The following ST6GALNAC3 variants were observed in gnomAD, a reference collection of about 807,000 sequenced individuals.
ST6GALNAC3 encodes ST6 N-acetylgalactosaminide alpha-2,6-sialyltransferase 3.
Under a neutral mutation model 32.7 loss-of-function variants are expected in ST6GALNAC3, and 25 were observed. The ratio of observed to expected loss-of-function variants is 0.76; its 90% confidence interval spans 0.56 to 1.07. The LOEUF (loss-of-function observed/expected upper bound fraction) is 1.07, where lower values mean the gene tolerates loss of function less well. ST6GALNAC3 is among the 50% of genes least tolerant of loss of function. ST6GALNAC3 has a pLI of 0.00. For synonymous variants in ST6GALNAC3, 129 were observed against 133.1 expected, an observed-to-expected ratio of 0.97 and a Z score of 0.21; for missense variants, 355 against 382.4, an observed-to-expected ratio of 0.93 and a Z score of 0.60.
intron 3 of ST6GALNAC3, among the ~76,000 whole-genome samples, chr1:76,556,890 G>GT (rs914664048): frequency 1.8e-4 from 28 of 151,904 alleles, no homozygotes; most frequent in African/African-American, 6.7e-4. Context: ...CAATTTATCT[G>GT]TTTTTTTCTT....
chr1:76,357,186 G>C (rs185011837), intron 2 of ST6GALNAC3, among the ~76,000 whole-genome samples: 535 of 137,022 alleles, frequency 3.9e-3, no homozygotes, highest in South Asian at 0.019. Flanking sequence ...CCAGGCTGGA[G>C]TGCAGTGGCA....
chr1:76,630,077 G>T lies in ST6GALNAC3; in HGVS notation c.*1271G>T. On this transcript the variant is annotated 3_prime_UTR_variant, in exon 5 of 5. Transcript: ENST00000328299. ...GTGATGCCCTTGAACACCCCATTGG[G>T]CTATTGTCTGTGTATTCTGCTCTCT... The T allele has an allele frequency of 1.0e-6, 1 of 985,126 alleles. No individual in the cohort carries two copies. Among genetic ancestry groups the T allele is most frequent in the Non-Finnish European group, 1.2e-6 (1 of 829,818 alleles). 61.0% of individuals were successfully genotyped at this position (985,126 alleles called of 1,614,324 possible). A position where few individuals can be genotyped will look rare whatever the true frequency, so the allele number is the denominator to read the frequency against.
At chr1:76,548,147 C>G (rs999265602) in intron 3 of ST6GALNAC3, among the ~76,000 whole-genome samples, 2 of 152,210 alleles carry the variant, frequency 1.3e-5, no homozygotes, top group Non-Finnish European at 2.9e-5. Context: ...GCTCCTCCCT[C>G]TGCTGGTCTT....
intron 3 of ST6GALNAC3, among the ~76,000 whole-genome samples, chr1:76,435,766 G>A (rs572778190): frequency 6.6e-6 from 1 of 152,176 alleles, no homozygotes; most frequent in East Asian, 1.9e-4. Flanking sequence ...GGTTGCATTG[G>A]TAATTAGTTT....
chr1:76,460,282 G>A (rs902218416), intron 3 of ST6GALNAC3, among the ~76,000 whole-genome samples: 11 of 151,986 alleles, frequency 7.2e-5, no homozygotes, highest in Admixed American at 2.0e-4. Flanking sequence ...TATATCTTTA[G>A]AGATATGTCA....
chr1:76,439,103 A>G (rs188126123), intron 3 of ST6GALNAC3, among the ~76,000 whole-genome samples: 2 of 152,336 alleles, frequency 1.3e-5, no homozygotes, highest in Non-Finnish European at 2.9e-5. Context: ...TGAAGCCTGA[A>G]GTAGATGTTG....
chr1:76,445,587 A>G (rs1211892817), intron 3 of ST6GALNAC3, among the ~76,000 whole-genome samples: 1 of 152,188 alleles, frequency 6.6e-6, no homozygotes. Context: ...CTATTGTGAC[A>G]TGCTTTTATT....
At chr1:76,530,888 G>A (rs921420703) in intron 3 of ST6GALNAC3, among the ~76,000 whole-genome samples, 6 of 152,164 alleles carry the variant, frequency 3.9e-5, no homozygotes, top group Non-Finnish European at 8.8e-5. Context: ...CAGGGAGCTG[G>A]GAGATGGAGC....
At chr1:76,277,318 A>C (rs1659186438) in intron 1 of ST6GALNAC3, among the ~76,000 whole-genome samples, 1 of 151,904 alleles carries the variant, frequency 6.6e-6, no homozygotes, top group African/African-American at 2.4e-5. Flanking sequence ...ATATTTGGGC[A>C]GTGTGGTACT....
intron 1 of ST6GALNAC3, among the ~76,000 whole-genome samples, chr1:76,133,268 G>C (rs1308691178): frequency 6.6e-6 from 1 of 151,982 alleles, no homozygotes; most frequent in Non-Finnish European, 1.5e-5. Flanking sequence ...TCATCTTCAG[G>C]GACACCATTA....
At chr1:76,380,176 T>G (rs1651591346) in intron 2 of ST6GALNAC3, among the ~76,000 whole-genome samples, 1 of 152,108 alleles carries the variant, frequency 6.6e-6, no homozygotes, top group Non-Finnish European at 1.5e-5. Flanking sequence ...AAAGGGACTT[T>G]AAAAAGAGGA....
At chr1:76,113,308 C>G (rs1471542036) in intron 1 of ST6GALNAC3, among the ~76,000 whole-genome samples, 22 of 124,886 alleles carry the variant, frequency 1.8e-4, no homozygotes, top group African/African-American at 6.0e-4. Flanking sequence ...AGCTTCCGCT[C>G]GGCATCAGAG....
chr1:76,559,562 A>T (rs574090611), intron 3 of ST6GALNAC3, among the ~76,000 whole-genome samples: 2 of 152,316 alleles, frequency 1.3e-5, no homozygotes, highest in South Asian at 4.1e-4. Flanking sequence ...TTCAAAGGGT[A>T]CCATCAAGAA....
At chr1:76,165,424 G>A (rs1193904564) in intron 1 of ST6GALNAC3, among the ~76,000 whole-genome samples, 2 of 149,894 alleles carry the variant, frequency 1.3e-5, no homozygotes, top group South Asian at 2.1e-4. Context: ...TATCATTGAT[G>A]AGCATTTAGG....
intron 3 of ST6GALNAC3, among the ~76,000 whole-genome samples, chr1:76,452,662 C>G (rs1356833706): frequency 1.3e-5 from 2 of 152,150 alleles, no homozygotes; most frequent in Admixed American, 1.3e-4. Context: ...TTTTGATACA[C>G]TGTTGGATTC....
intron 2 of ST6GALNAC3, among the ~76,000 whole-genome samples, chr1:76,359,076 G>C (rs957163733): frequency 6.6e-6 from 1 of 152,148 alleles, no homozygotes; most frequent in African/African-American, 2.4e-5. Flanking sequence ...AAGAAGGAGA[G>C]CTGCAAGACA....
intron 1 of ST6GALNAC3, among the ~76,000 whole-genome samples, chr1:76,126,403 C>A: frequency 6.7e-6 from 1 of 148,370 alleles, no homozygotes. Context: ...CTTTCTTTTC[C>A]CTCCCTCCCT....
intron 2 of ST6GALNAC3, among the ~76,000 whole-genome samples, chr1:76,329,925 C>T (rs1647157053): frequency 6.6e-6 from 1 of 152,106 alleles, no homozygotes; most frequent in South Asian, 2.1e-4. Flanking sequence ...TCTCCTGCCT[C>T]AGCCTCCCAA....
intron 2 of ST6GALNAC3, among the ~76,000 whole-genome samples, chr1:76,374,007 T>C (rs1363009818): frequency 6.6e-6 from 1 of 152,174 alleles, no homozygotes; most frequent in Non-Finnish European, 1.5e-5. Flanking sequence ...CACAGCTGAA[T>C]TTCTAAGTTC....
Sources: gnomAD v4.1 joint callset for allele counts (sites outside exome capture counted in the v4.1 genomes callset) on GRCh38, gnomAD v4.1.1 for gene constraint, MANE v1.5 for transcripts, NCBI Gene and HGNC (gene_info 2026-07-23, HGNC 2026-07-21) for gene names.